Variants in IL17D observed in about 807,000 individuals in gnomAD.
IL17D encodes interleukin 17D, also known as interleukin-17D.
IL17D carries 10 observed loss-of-function variants against 5.7 expected under a neutral mutation model. The ratio of observed to expected loss-of-function variants is 1.75; its 90% CI spans 1.08 to 2.97. The LOEUF (loss-of-function observed/expected upper bound fraction) is 2.97, where lower values mean the gene tolerates loss of function less well. Among genes scored for constraint, IL17D ranks in the 30% most tolerant of loss-of-function variants. The pLI is 0.00. For synonymous variants in IL17D, 172 were observed against 141.7 expected (o/e 1.21, Z -1.52); for missense variants, 354 against 292.7 (o/e 1.21, Z -1.53).
intron 1 of IL17D, among the ~76,000 whole-genome samples, chr13:20,710,843 C>A (rs2058630929): frequency 6.6e-6 from 1 of 152,048 alleles, no homozygotes; most frequent in African/African-American, 2.4e-5. Flanking sequence ...GAAACTACAC[C>A]TAATTTATTT....
Position 20,721,959 on chromosome 13 carries a change from G to A in IL17D, c.*5G>A. 1 of 1,579,952 alleles carries A rather than the reference G, an allele frequency of 6.3e-7. No homozygotes were observed. The highest frequency in any genetic ancestry group is 8.6e-7 in the Non-Finnish European group (1 of 1,167,922). ...GACGCGCCCGCTGGCCCCTGAGGCC[G>A]GTCCTGCCCCGGGAGGTCTCCCCGG... On this transcript the variant is annotated 3_prime_UTR_variant, in exon 2 of 2. Transcript: ENST00000682841.
At chr13:20,719,181 TACACTCACAGATGCCC>T (rs375003332) in intron 1 of IL17D, among the ~76,000 whole-genome samples, 2,642 of 130,452 alleles carry the variant, frequency 0.02, 84 homozygotes, top group African/African-American at 0.074. Context: ...CACGCCTGCC[TACACTCACAGATGCCC>T]ACACCCACAC....
In IL17D at chr13:20,704,132, G is replaced by A; in HGVS notation, c.131G>A (p.Gly44Glu). The part of the protein sequence containing the change: ...RPEELLEQLY[G>E]RLAAGVLSAF... ...GAGGAGCTACTGGAGCAGCTGTACG[G>A]GCGCCTGGCGGCCGGCGTGCTCAGT... The change falls in exon 1 of 2, where the codon GGG (glycine) becomes GAG (glutamate). Residue 44 changes from glycine to glutamate, a missense_variant. By Grantham distance (98) the Gly-to-Glu change is moderately conservative (BLOSUM62 -2). Transcript: ENST00000682841. 7.5e-7 allele frequency: 1 copy of A among 1,331,492 alleles called. No individual in the cohort carries two copies. The highest frequency in any genetic ancestry group is 9.7e-7 in the Non-Finnish European group (1 of 1,030,682). The allele number at this position is 1,331,492 out of a possible 1,614,324, so 82.5% of individuals were successfully genotyped here.
In IL17D at chr13:20,716,895, C is replaced by A. The variant is rs1566520423; in HGVS notation, c.291-4741C>A. Among the ~76,000 whole-genome samples the A allele has an allele frequency of 6.6e-6, 1 of 152,212 alleles. No individual in the cohort carries two copies. Among genetic ancestry groups the A allele is most frequent in the Non-Finnish European group, 1.5e-5 (1 of 68,036 alleles). On this transcript the variant is annotated intron_variant, in intron 1 of 1. Coordinates refer to ENST00000682841, the MANE Select transcript of IL17D (RefSeq NM_001385224.1). The surrounding 1 kb of genome is among the most constrained non-coding windows in gnomAD (Gnocchi z 4.2). ...ATGTTTTGCAAGGTGGGAGGGTGAGCCACATCAAGGCGCGTGTGCCAACCA... is the reference window on the plus strand; with the variant it reads ...ATGTTTTGCAAGGTGGGAGGGTGAGACACATCAAGGCGCGTGTGCCAACCA...
At chr13:20,719,626 A>G (rs2058715855) in intron 1 of IL17D, among the ~76,000 whole-genome samples, 1 of 152,248 alleles carries the variant, frequency 6.6e-6, no homozygotes, top group Non-Finnish European at 1.5e-5. Context: ...GAGTTCCCAT[A>G]TACCATTTAC....
intron 1 of IL17D, among the ~76,000 whole-genome samples, chr13:20,710,127 C>T (rs974171045): frequency 1.3e-5 from 2 of 152,112 alleles, no homozygotes; most frequent in Non-Finnish European, 2.9e-5. Flanking sequence ...TTCCAGAATA[C>T]AAAAATATTT....
At chr13:20,715,922 C>A (rs1212973305) in intron 1 of IL17D, 2 of 155,464 alleles carry the variant, frequency 1.3e-5, no homozygotes, top group South Asian at 4.1e-4. Flanking sequence ...TATTCTTTTA[C>A]GTATTTTTTG....
At chr13:20,704,987 A>T (rs996866477) in intron 1 of IL17D, among the ~76,000 whole-genome samples, 1 of 152,168 alleles carries the variant, frequency 6.6e-6, no homozygotes, top group Non-Finnish European at 1.5e-5. Context: ...TTTCGAGAGT[A>T]TTTTGGTCTT....
chr13:20,708,960 C>CA lies in IL17D; in HGVS notation c.290+4687dup, dbSNP rs59047970. 0.015 allele frequency among the ~76,000 whole-genome samples: 949 copies of CA among 65,008 alleles called. 49 individuals are homozygous for CA. In the East Asian group the frequency reaches 0.2, roughly 14 times the overall value. The allele number at this position is 65,008 out of a possible 152,430, so 42.6% of individuals were successfully genotyped here. A position where few individuals can be genotyped will look rare whatever the true frequency, so the allele number is the denominator to read the frequency against. ...TGGATGACAGAGCGAGACTCTGTCTCAAAAAAAAAAAAAAAAAAGAAAGAA... is the reference window on the plus strand; with the variant it reads ...TGGATGACAGAGCGAGACTCTGTCTCAAAAAAAAAAAAAAAAAAAGAAAGAA... On this transcript the variant is annotated intron_variant, in intron 1 of 1. Transcript: ENST00000682841.
chr13:20,702,788 G>C (rs1484244598), upstream of IL17D: 1 of 152,162 alleles, frequency 6.6e-6, no homozygotes, highest in Non-Finnish European at 1.5e-5. Flanking sequence ...AGAGTTGTTG[G>C]ATAGAGGCAC....
At chr13:20,720,874 A>ACCCCCCCCC (rs67735251) in intron 1 of IL17D, among the ~76,000 whole-genome samples, 3 of 75,716 alleles carry the variant, frequency 4.0e-5, no homozygotes, top group Admixed American at 1.6e-4. Flanking sequence ...CTCCCTCCCA[A>ACCCCCCCCC]CCCCCCCCCC....
rs2058564842 is a variant in IL17D at position 20,703,930 on chromosome 13, C to T, written c.-72C>T. 2.3e-6 allele frequency: 2 copies of T among 883,990 alleles called. No individual in the cohort carries two copies. Among genetic ancestry groups the T allele is most frequent in the East Asian group, 1.2e-4 (1 of 8,516 alleles). 54.8% of individuals were successfully genotyped at this position (883,990 alleles called of 1,614,324 possible). A position where few individuals can be genotyped will look rare whatever the true frequency, so the allele number is the denominator to read the frequency against. On this transcript the variant is annotated 5_prime_UTR_variant, in exon 1 of 2. Coordinates refer to ENST00000682841, the MANE Select transcript of IL17D (RefSeq NM_001385224.1). ...CCGGCTCCGGGCGCCGCGGGCGGGA[C>T]ACGGGCGCGGGGCGCAGGCGGGCTC...
At position 20,716,075 on chromosome 13, in the gene IL17D, GC is replaced by G. The variant is rs1241306916; in HGVS notation, c.291-5559del. The stretch of plus-strand genomic sequence containing the variant: ...AACAGGAGTCCCATATAGGCCTCAT[GC>G]CGGTGGTCTGAAAACCACATTTTGG... On this transcript the variant is annotated intron_variant, in intron 1 of 1. Transcript: ENST00000682841. The surrounding 1 kb of genome is among the most constrained non-coding windows in gnomAD (Gnocchi z 4.2). The G allele has an allele frequency of 1.0e-6, 1 of 985,086 alleles. No individual in the cohort carries two copies. Among genetic ancestry groups the G allele is most frequent in the Non-Finnish European group, 1.2e-6 (1 of 829,756 alleles). The allele number at this position is 985,086 out of a possible 1,614,324, so 61.0% of individuals were successfully genotyped here.
At chr13:20,717,733 C>G (rs931363008) in intron 1 of IL17D, among the ~76,000 whole-genome samples, 2 of 152,188 alleles carry the variant, frequency 1.3e-5, no homozygotes, top group African/African-American at 4.8e-5. Context: ...CCTCTGATCT[C>G]CCATGGCCCA....
At chr13:20,714,141 C>T (rs1188920640) in intron 1 of IL17D, 1 of 152,184 alleles carries the variant, frequency 6.6e-6, no homozygotes, top group South Asian at 2.1e-4. Flanking sequence ...CAAAATAAAA[C>T]CCTTCAAGAA....
chr13:20,708,738 G>T (rs949177742), intron 1 of IL17D, among the ~76,000 whole-genome samples: 4 of 150,514 alleles, frequency 2.7e-5, no homozygotes, highest in Admixed American at 6.6e-5. Flanking sequence ...GGTGGCTCAC[G>T]CCTGTAATCC....
chr13:20,705,352 G>A (rs1347905289), intron 1 of IL17D, among the ~76,000 whole-genome samples: 1 of 152,070 alleles, frequency 6.6e-6, no homozygotes, highest in Non-Finnish European at 1.5e-5. Context: ...GTGTTTGCCT[G>A]TGGGGTGGGC....
chr13:20,704,978 T>G (rs1435526386), intron 1 of IL17D, among the ~76,000 whole-genome samples: 1 of 152,100 alleles, frequency 6.6e-6, no homozygotes, highest in African/African-American at 2.4e-5. Context: ...CATGAACAGT[T>G]TCGAGAGTAT....
At chr13:20,715,340 T>C (rs1054888939) in intron 1 of IL17D, among the ~76,000 whole-genome samples, 1 of 152,208 alleles carries the variant, frequency 6.6e-6, no homozygotes, top group African/African-American at 2.4e-5. Flanking sequence ...TTGGCAACAC[T>C]GATTGCTTAC....
Sources: gnomAD v4.1 joint callset for allele counts (sites outside exome capture counted in the v4.1 genomes callset) on GRCh38, gnomAD v4.1.1 for gene constraint, Gnocchi (gnomAD v3.1) non-coding constraint, MANE v1.5 for transcripts, NCBI Gene and HGNC (gene_info 2026-07-23, HGNC 2026-07-21) for gene names.